ANKS1A: variants seen among roughly 807,000 people sequenced by gnomAD.
ANKS1A encodes ankyrin repeat and sterile alpha motif domain containing 1A.
In ANKS1A, 55 loss-of-function variants were observed where a neutral mutation model predicts 120.3. That is an observed-to-expected ratio of 0.46 (90% CI 0.37 to 0.57). The LOEUF (loss-of-function observed/expected upper bound fraction) is 0.57. Among genes scored for constraint, ANKS1A ranks in the 20% least tolerant of loss-of-function variants. The pLI, the probability that ANKS1A is intolerant of heterozygous loss-of-function variation, is 0.00. For synonymous variants in ANKS1A, 590 were observed against 604.7 expected (o/e 0.98, Z 0.36); for missense variants, 1,123 against 1,480.3 (o/e 0.76, Z 3.96).
intron 11 of ANKS1A, among the ~76,000 whole-genome samples, chr6:35,038,443 A>G (rs1775291055): frequency 6.6e-6 from 1 of 152,070 alleles, no homozygotes; most frequent in African/African-American, 2.4e-5. Flanking sequence ...TTGATTGCCA[A>G]CCACCTTTAT....
At chr6:35,064,083 C>T (rs1172210502) in intron 13 of ANKS1A, among the ~76,000 whole-genome samples, 2 of 152,178 alleles carry the variant, frequency 1.3e-5, no homozygotes, top group Non-Finnish European at 2.9e-5. Flanking sequence ...GGAGAGATGG[C>T]TGGGCCTGAC....
intron 14 of ANKS1A, 50 bp from the exon 15 acceptor site, chr6:35,079,466 T>A: frequency 6.2e-7 from 1 of 1,606,378 alleles, no homozygotes; most frequent in South Asian, 1.1e-5. Flanking sequence ...CTCGGGTCCC[T>A]CTCCTGTGAG....
chr6:35,027,693 C>T (rs1311763032), intron 11 of ANKS1A, among the ~76,000 whole-genome samples: 1 of 152,168 alleles, frequency 6.6e-6, no homozygotes, highest in East Asian at 1.9e-4. Flanking sequence ...ATGCCAGCAT[C>T]CTCAAAGATG....
At chr6:35,075,415 CTTT>C (rs747359283) in intron 13 of ANKS1A, among the ~76,000 whole-genome samples, 1 of 129,882 alleles carries the variant, frequency 7.7e-6, no homozygotes, top group Admixed American at 7.9e-5. Flanking sequence ...GGTTAATTTT[CTTT>C]TTTTTTTTTT....
chr6:34,976,154 A>AAAAAAAAAAAAAAAAAACAC (rs1771572373), intron 3 of ANKS1A, among the ~76,000 whole-genome samples: 1 of 151,542 alleles, frequency 6.6e-6, no homozygotes, highest in African/African-American at 2.4e-5. Flanking sequence ...AAAAAAAAGA[A>AAAAAAAAAAAAAAAAAACAC]AAGAAAAACT....
In ANKS1A at chr6:35,062,894, T is replaced by C. The variant is rs1776585324; in HGVS notation, c.2184+2641T>C. Among the ~76,000 whole-genome samples, 3 of 152,242 alleles carry C rather than the reference T, an allele frequency of 2.0e-5. No homozygotes were observed. The South Asian group carries it at 6.2e-4, about 31-fold the overall frequency. On this transcript the variant is annotated intron_variant, in intron 13 of 23. Transcript: ENST00000360359. ...ATTCTTTATATTGAGTCAAAATCTGTTTCCTGTGGCTTCTGTCTCTTGGTC... is the reference window on the plus strand; with the variant it reads ...ATTCTTTATATTGAGTCAAAATCTGCTTCCTGTGGCTTCTGTCTCTTGGTC...
intron 1 of ANKS1A, among the ~76,000 whole-genome samples, chr6:34,955,116 T>G (rs1770288842): frequency 6.7e-6 from 1 of 148,192 alleles, no homozygotes; most frequent in African/African-American, 2.6e-5. Context: ...CTGTTGATTT[T>G]TCTGAGTTTT....
chr6:34,965,275 G>A (rs911517632), intron 1 of ANKS1A, among the ~76,000 whole-genome samples: 1 of 151,880 alleles, frequency 6.6e-6, no homozygotes, highest in African/African-American at 2.4e-5. Flanking sequence ...AATGTAACTG[G>A]TATATGATAT....
At chr6:34,945,033 G>C (rs969112826) in intron 1 of ANKS1A, among the ~76,000 whole-genome samples, 7 of 152,024 alleles carry the variant, frequency 4.6e-5, no homozygotes, top group African/African-American at 1.7e-4. Flanking sequence ...TCTTCTAGAA[G>C]TTTTATAATT....
At chr6:34,994,591 C>G (rs762591139) in intron 10 of ANKS1A, among the ~76,000 whole-genome samples, 169 bp downstream of exon 10, 2 of 152,158 alleles carry the variant, frequency 1.3e-5, no homozygotes, top group African/African-American at 2.4e-5. Context: ...ATTTCCAATA[C>G]CTGACCTATA....
chr6:34,901,122 A>G (rs1767330142), intron 1 of ANKS1A, among the ~76,000 whole-genome samples: 1 of 152,200 alleles, frequency 6.6e-6, no homozygotes, highest in Admixed American at 6.5e-5. Flanking sequence ...ATAAACTGCC[A>G]GATGCACTAC....
Position 35,085,627 on chromosome 6 carries a change from A to G in ANKS1A, c.3133-139A>G. On this transcript the variant is annotated intron_variant, in intron 21 of 23. Coordinates refer to ENST00000360359, the MANE Select transcript of ANKS1A (RefSeq NM_015245.3). This position sits in a 1 kb window ranked among gnomAD's most constrained non-coding sequence, Gnocchi z 4.7. The stretch of plus-strand genomic sequence containing the variant: ...AGACCTAGGAAGAGTAAAGGAGGGA[A>G]AGGAGGGAAGAGTGGAAGGAGGTAG... 1.3e-6 allele frequency: 1 copy of G among 752,826 alleles called. No individual in the cohort carries two copies. Among genetic ancestry groups the G allele is most frequent in the Non-Finnish European group, 2.0e-6 (1 of 494,988 alleles). 46.6% of individuals were successfully genotyped at this position (752,826 alleles called of 1,614,324 possible).
At chr6:35,052,480 A>C (rs1157953089) in intron 11 of ANKS1A, among the ~76,000 whole-genome samples, 1 of 151,192 alleles carries the variant, frequency 6.6e-6, no homozygotes, top group Admixed American at 6.6e-5. Flanking sequence ...AAAAAATAGC[A>C]AGGCATGGTG....
At chr6:34,996,092 C>T (rs1190057459) in intron 10 of ANKS1A, among the ~76,000 whole-genome samples, 2 of 152,126 alleles carry the variant, frequency 1.3e-5, no homozygotes, top group Non-Finnish European at 2.9e-5. Flanking sequence ...TATATATCAT[C>T]CCTAGCACTT....
Position 35,060,069 on chromosome 6 carries a change from T to C in ANKS1A, c.2078-78T>C, listed in dbSNP as rs1274825866. On this transcript the variant is annotated intron_variant, in intron 12 of 23. Transcript: ENST00000360359. The surrounding 1 kb of genome is among the most constrained non-coding windows in gnomAD (Gnocchi z 4.5). ...ATGACTATGATGTGGCAATGCCATC[T>C]ATCTTCCTCTGAGTGCCGCTGCTAC... 8.5e-7 allele frequency: 1 copy of C among 1,169,928 alleles called. No individual in the cohort carries two copies. Among genetic ancestry groups the C allele is most frequent in the Non-Finnish European group, 1.3e-6 (1 of 798,620 alleles). 72.5% of individuals were successfully genotyped at this position (1,169,928 alleles called of 1,614,324 possible).
intron 11 of ANKS1A, chr6:35,038,330 A>C: frequency 4.4e-6 from 2 of 456,676 alleles, no homozygotes; most frequent in South Asian, 3.1e-5. Flanking sequence ...TTGCATTCTT[A>C]CTGAGATAGT....
At chr6:34,935,039 C>G (rs1311425068) in intron 1 of ANKS1A, among the ~76,000 whole-genome samples, 1 of 152,142 alleles carries the variant, frequency 6.6e-6, no homozygotes, top group East Asian at 1.9e-4. Flanking sequence ...GCTGGACATG[C>G]TTAGGAGATT....
At chr6:34,985,061 T>G in intron 7 of ANKS1A, 21 bp from the exon 8 acceptor site, 1 of 1,603,872 alleles carries the variant, frequency 6.2e-7, no homozygotes, top group Non-Finnish European at 8.5e-7. Context: ...GTGACTCTCT[T>G]GCCCTCCATC....
chr6:35,070,132 A>G (rs1027970703), intron 13 of ANKS1A, among the ~76,000 whole-genome samples: 1 of 151,638 alleles, frequency 6.6e-6, no homozygotes, highest in South Asian at 2.1e-4. Flanking sequence ...GATTATAGGC[A>G]TTGAACCATT....
Sources: gnomAD v4.1 joint callset for allele counts (sites outside exome capture counted in the v4.1 genomes callset) on GRCh38, gnomAD v4.1.1 for gene constraint, Gnocchi (gnomAD v3.1) non-coding constraint, MANE v1.5 for transcripts, NCBI Gene and HGNC (gene_info 2026-07-23, HGNC 2026-07-21) for gene names.